Variants in THRAP3 observed in about 807,000 individuals in gnomAD.
The protein encoded by THRAP3 is thyroid hormone receptor associated protein 3, also known as thyroid hormone receptor-associated protein 3.
Under a neutral mutation model 101.0 loss-of-function variants are expected in THRAP3, and 16 were observed. The ratio of observed to expected loss-of-function variants is 0.16; its 90% confidence interval spans 0.11 to 0.24. The LOEUF (loss-of-function observed/expected upper bound fraction) is 0.24, where lower values mean the gene tolerates loss of function less well. Among genes scored for constraint, THRAP3 ranks in the 10% least tolerant of loss-of-function variants. The pLI is 1.00. For synonymous variants in THRAP3, 407 were observed against 422.6 expected, an observed-to-expected ratio of 0.96 and a Z score of 0.45; for missense variants, 989 against 1,202.7, an observed-to-expected ratio of 0.82 and a Z score of 2.63.
chr1:36,268,753 G>A (rs1378210338), intron 2 of THRAP3, among the ~76,000 whole-genome samples: 6 of 148,318 alleles, frequency 4.0e-5, no homozygotes, highest in Non-Finnish European at 7.4e-5. Flanking sequence ...ACGGAGTCTC[G>A]CTCTATCTGT....
intron 1 of THRAP3, among the ~76,000 whole-genome samples, chr1:36,243,250 G>A (rs936844657): frequency 6.6e-6 from 1 of 151,056 alleles, no homozygotes; most frequent in Non-Finnish European, 1.5e-5. Flanking sequence ...TGCAGAGGGG[G>A]ATTTGGCAGG....
chr1:36,252,927 C>CATAT (rs71053916), intron 1 of THRAP3, among the ~76,000 whole-genome samples: 1,778 of 76,214 alleles, frequency 0.023, 36 homozygotes, highest in East Asian at 0.039. Context: ...TATAGATAGG[C>CATAT]ATATATATAT....
At chr1:36,210,382 A>G in the THRAP3 span, among the ~76,000 whole-genome samples, 1 of 145,240 alleles carries the variant, frequency 6.9e-6, no homozygotes, top group Non-Finnish European at 1.5e-5. Context: ...AAAAAAAAAA[A>G]GAAAAAAATT....
In THRAP3 at chr1:36,287,113, T is replaced by G. The variant is rs376303591; in HGVS notation, c.883T>G (p.Ser295Ala). Residue 295 changes from serine to alanine, a missense_variant, in exon 4 of 12, where the codon TCT becomes GCT. Coordinates refer to ENST00000354618, the MANE Select transcript of THRAP3 (RefSeq NM_005119.4). Reference sequence around the variant, plus strand: ...TCTGCCGAGTGGTGCCGGGTATCAGTCTGGGACACACCAAGGTCAGTTCGA... The same window carrying G: ...TCTGCCGAGTGGTGCCGGGTATCAGGCTGGGACACACCAAGGTCAGTTCGA... ...STLPSGAGYQSGTHQGQFDHG... is the reference protein window; with the variant it reads ...STLPSGAGYQAGTHQGQFDHG... 3.1e-6 allele frequency: 5 copies of G among 1,614,022 alleles called. No individual in the cohort carries two copies. Among genetic ancestry groups the G allele is most frequent in the Non-Finnish European group, 4.2e-6 (5 of 1,180,042 alleles).
chr1:36,257,142 G>T (rs958270593), intron 1 of THRAP3, among the ~76,000 whole-genome samples: 2 of 152,060 alleles, frequency 1.3e-5, no homozygotes, highest in African/African-American at 4.8e-5. Flanking sequence ...AGACAGTCAG[G>T]CATGTTTCCT....
chr1:36,300,806 C>T (rs948119047), intron 9 of THRAP3, 80 bp from the exon 10 acceptor site: 12 of 1,427,028 alleles, frequency 8.4e-6, no homozygotes, highest in Admixed American at 1.7e-5. Flanking sequence ...TTTGATTGCC[C>T]TGTGCTTATC....
intron 3 of THRAP3, among the ~76,000 whole-genome samples, chr1:36,285,373 A>G (rs538801172): frequency 5.8e-4 from 89 of 152,318 alleles, no homozygotes; most frequent in African/African-American, 1.9e-3. Flanking sequence ...AAGAACCCCA[A>G]TGGGTTTTTA....
At chr1:36,253,779 T>TTTTTTTTTTTTTTTA (rs1553194133) in intron 1 of THRAP3, among the ~76,000 whole-genome samples, 1 of 139,568 alleles carries the variant, frequency 7.2e-6, no homozygotes, top group African/African-American at 2.7e-5. Context: ...TTTTTTTTTT[T>TTTTTTTTTTTTTTTA]AGTTTTTGTA....
At chr1:36,285,475 A>G (rs1003143623) in intron 3 of THRAP3, among the ~76,000 whole-genome samples, 8 of 152,234 alleles carry the variant, frequency 5.3e-5, no homozygotes, top group African/African-American at 1.2e-4. Context: ...TTAGGTTACT[A>G]TCAAGTCTCT....
rs549264927 is a variant in THRAP3 at position 36,271,883 on chromosome 1, C to T, written c.-31-10650C>T. ...TGCTGGGATTACAGGCGTGAGCCAC[C>T]GCACCCGGCCTAATTTTTGTATTTT... On this transcript the variant is annotated intron_variant, in intron 2 of 11. Coordinates refer to ENST00000354618, the MANE Select transcript of THRAP3 (RefSeq NM_005119.4). Among the ~76,000 whole-genome samples, 192 of 151,990 alleles carry T rather than the reference C, an allele frequency of 1.3e-3. 1 individual carries two copies. The highest frequency in any genetic ancestry group is 4.0e-3 in the African/African-American group (167 of 41,466).
chr1:36,284,841 G>A (rs947737775), intron 3 of THRAP3, among the ~76,000 whole-genome samples: 3 of 152,062 alleles, frequency 2.0e-5, no homozygotes, highest in Non-Finnish European at 4.4e-5. Flanking sequence ...CCCTTTAATC[G>A]GGTTGTATTC....
chr1:36,274,535 A>G (rs1294722174), intron 2 of THRAP3, among the ~76,000 whole-genome samples: 2 of 151,768 alleles, frequency 1.3e-5, no homozygotes, highest in African/African-American at 4.8e-5. Flanking sequence ...ACTAATTAAG[A>G]CTGTGGTGTT....
chr1:36,230,396 GCATGAGCCA>G lies in THRAP3; in HGVS notation c.-135+5893_-135+5901del, dbSNP rs1397805268. Among the ~76,000 whole-genome samples the G allele has an allele frequency of 8.5e-5, 13 of 152,182 alleles. No individual in the cohort carries two copies. In the East Asian group the frequency reaches 2.3e-3, roughly 27 times the overall value. On this transcript the variant is annotated intron_variant, in intron 1 of 11. Transcript: ENST00000354618. ...GCCTCCCAAAGTGCTAGGATTACAGGCATGAGCCACCGCGCCCAGCCCTGGCTAATTTTT... is the reference window on the plus strand; with the variant it reads ...GCCTCCCAAAGTGCTAGGATTACAGGCCGCGCCCAGCCCTGGCTAATTTTT...
In THRAP3 at chr1:36,304,669, G is replaced by A. The variant is rs780094007; in HGVS notation, c.*652G>A. ...ACCACCTTGTGTTCCCCTTTTCTGC[G>A]CAGCCATGTATCACGTGGAGTTGCT... On this transcript the variant is annotated 3_prime_UTR_variant, in exon 12 of 12. Transcript: ENST00000354618. 8.2e-5 allele frequency: 18 copies of A among 218,288 alleles called. No individual in the cohort carries two copies. The highest frequency in any genetic ancestry group is 6.4e-4 in the Admixed American group (11 of 17,212). 13.5% of individuals were successfully genotyped at this position (218,288 alleles called of 1,614,324 possible).
chr1:36,219,804 G>A (rs775335995), upstream of THRAP3, among the ~76,000 whole-genome samples: 3 of 152,154 alleles, frequency 2.0e-5, no homozygotes, highest in Non-Finnish European at 4.4e-5. Context: ...CATAGCTAGA[G>A]AGCAGAAGTC....
chr1:36,234,130 A>T (rs1645059676), intron 1 of THRAP3, among the ~76,000 whole-genome samples: 1 of 152,012 alleles, frequency 6.6e-6, no homozygotes, highest in Non-Finnish European at 1.5e-5. Flanking sequence ...TAATTTTTGT[A>T]GTTTTATAGA....
intron 1 of THRAP3, among the ~76,000 whole-genome samples, chr1:36,249,330 CA>C (rs1645269964): frequency 6.6e-6 from 1 of 151,824 alleles, no homozygotes; most frequent in Admixed American, 6.6e-5. Context: ...TAGCTGGGAC[CA>C]CAGGTGCCCG....
At position 36,296,658 on chromosome 1, in the gene THRAP3, G is replaced by C; in HGVS notation, c.2191G>C (p.Asp731His). ...IERRKKHKER[D>H]LKRGKSRESV... ...ACGTCGTAAAAAACATAAGGAGAGA[G>C]ATCTTAAACGAGGTAAATCGAGAGA... Residue 731 changes from aspartate (D) to histidine (H), a missense_variant, in exon 9 of 12, where the codon GAT becomes CAT. Coordinates refer to ENST00000354618, the MANE Select transcript of THRAP3 (RefSeq NM_005119.4). The C allele has an allele frequency of 6.2e-7, 1 of 1,609,662 alleles. No individual in the cohort carries two copies. The highest frequency in any genetic ancestry group is 8.5e-7 in the Non-Finnish European group (1 of 1,179,030).
intron 1 of THRAP3, among the ~76,000 whole-genome samples, chr1:36,247,133 A>G (rs905760295): frequency 3.9e-5 from 6 of 151,910 alleles, no homozygotes; most frequent in Non-Finnish European, 8.8e-5. Context: ...CCTGGTCAAC[A>G]TGGTGAAACC....
Sources: gnomAD v4.1 joint callset for allele counts (sites outside exome capture counted in the v4.1 genomes callset) on GRCh38, gnomAD v4.1.1 for gene constraint, MANE v1.5 for transcripts, NCBI Gene and HGNC (gene_info 2026-07-23, HGNC 2026-07-21) for gene names.